The following SMARCAL1 variants were observed in gnomAD, a reference collection of about 807,000 sequenced individuals.
SMARCAL1 encodes SNF2 related chromatin remodeling annealing helicase 1.
SMARCAL1 carries 58 observed loss-of-function variants against 94.5 expected under a neutral mutation model. That is an observed-to-expected ratio of 0.61 (90% CI 0.50 to 0.76). The LOEUF is 0.76. Among genes scored for constraint, SMARCAL1 ranks in the 30% least tolerant of loss-of-function variants. The probability of loss-of-function intolerance (pLI) is 0.00; values close to 1 mark genes in which losing one functional copy is unlikely to be tolerated. For missense variants in SMARCAL1, 1,051 were observed against 1,177.9 expected (o/e 0.89, Z 1.58); for synonymous variants, 422 against 455.1 (o/e 0.93, Z 0.93).
At chr2:216,478,625 G>C (rs181968289) in intron 17 of SMARCAL1, among the ~76,000 whole-genome samples, 1 of 152,168 alleles carries the variant, frequency 6.6e-6, no homozygotes, top group Non-Finnish European at 1.5e-5. Flanking sequence ...ACCACACATA[G>C]GGCTGCCACA....
intron 12 of SMARCAL1, among the ~76,000 whole-genome samples, chr2:216,460,320 G>A (rs1475124506): frequency 6.6e-6 from 1 of 152,192 alleles, no homozygotes; most frequent in Non-Finnish European, 1.5e-5. Context: ...ATTTGACCCA[G>A]CCATCCCATT....
chr2:216,447,351 T>G (rs567897712), intron 11 of SMARCAL1, among the ~76,000 whole-genome samples, 193 bp downstream of exon 11: 1 of 152,232 alleles, frequency 6.6e-6, no homozygotes, highest in Admixed American at 6.5e-5. Flanking sequence ...ATCTTACCCT[T>G]TAAATCTAGT....
At chr2:216,448,506 A>G (rs1694370340) in intron 11 of SMARCAL1, among the ~76,000 whole-genome samples, 1 of 152,172 alleles carries the variant, frequency 6.6e-6, no homozygotes, top group South Asian at 2.1e-4. Context: ...GCCAGAAACT[A>G]AGGCATTATC....
chr2:216,444,208 G>T (rs1694257000), intron 10 of SMARCAL1, among the ~76,000 whole-genome samples: 1 of 152,124 alleles, frequency 6.6e-6, no homozygotes, highest in Admixed American at 6.5e-5. Flanking sequence ...CCTTCTTCAT[G>T]TCTTATTTCT....
intron 14 of SMARCAL1, among the ~76,000 whole-genome samples, chr2:216,472,927 GTTT>G (rs1694998339): frequency 6.6e-6 from 1 of 152,000 alleles, no homozygotes; most frequent in South Asian, 2.1e-4. Context: ...CTTAAATTAA[GTTT>G]TTTCTTTTTG....
intron 10 of SMARCAL1, among the ~76,000 whole-genome samples, chr2:216,445,063 G>T (rs190825152): frequency 1.3e-5 from 2 of 152,242 alleles, no homozygotes; most frequent in Admixed American, 6.5e-5. Flanking sequence ...TCGATTTCTT[G>T]GGTGTTGCTT....
chr2:216,477,780 A>C (rs563507804), intron 16 of SMARCAL1, among the ~76,000 whole-genome samples: 1 of 152,114 alleles, frequency 6.6e-6, no homozygotes, highest in South Asian at 2.1e-4. Context: ...CTGATACAAA[A>C]TTTCTTGATT....
chr2:216,440,848 T>C (rs1694184838), intron 10 of SMARCAL1, among the ~76,000 whole-genome samples: 2 of 152,160 alleles, frequency 1.3e-5, no homozygotes, highest in Non-Finnish European at 2.9e-5. Flanking sequence ...ACCCACTAGA[T>C]GCCAGCAGTT....
chr2:216,451,369 A>G, intron 12 of SMARCAL1: 1 of 403,204 alleles, frequency 2.5e-6, no homozygotes, highest in East Asian at 5.6e-5. Flanking sequence ...TGTGGAAATT[A>G]TGTCTACTAT....
intron 10 of SMARCAL1, among the ~76,000 whole-genome samples, chr2:216,439,005 C>T (rs561952012): frequency 3.9e-5 from 6 of 152,250 alleles, no homozygotes; most frequent in South Asian, 4.2e-4. Context: ...GCGGGGTCAG[C>T]GAGATACACT....
At chr2:216,424,930 TTTC>T (rs1252923939) in intron 6 of SMARCAL1, among the ~76,000 whole-genome samples, 1 of 152,192 alleles carries the variant, frequency 6.6e-6, no homozygotes, top group Non-Finnish European at 1.5e-5. Context: ...TGAATTTTTT[TTTC>T]TTTTTGAGGC....
At chr2:216,423,166 A>G (rs1693761855) in intron 5 of SMARCAL1, among the ~76,000 whole-genome samples, 2 of 152,238 alleles carry the variant, frequency 1.3e-5, no homozygotes, top group African/African-American at 4.8e-5. Flanking sequence ...TGGCAGTTTG[A>G]CCACTGACCA....
At chr2:216,467,904 G>A in intron 13 of SMARCAL1, 40 bp from the exon 14 acceptor site, 1 of 1,155,562 alleles carries the variant, frequency 8.7e-7, no homozygotes, top group East Asian at 2.3e-5. Context: ...AACATAAGGA[G>A]TATATGTTTA....
At chr2:216,427,930 A>G (rs1457332013) in intron 6 of SMARCAL1, among the ~76,000 whole-genome samples, 1 of 152,220 alleles carries the variant, frequency 6.6e-6, no homozygotes, top group Non-Finnish European at 1.5e-5. Flanking sequence ...GGATAGAAGT[A>G]AAATAATACC....
intron 14 of SMARCAL1, among the ~76,000 whole-genome samples, chr2:216,471,933 C>G (rs570615481): frequency 6.6e-6 from 1 of 152,242 alleles, no homozygotes; most frequent in South Asian, 2.1e-4. Flanking sequence ...CTTTGGAGAT[C>G]ATTGAACCCT....
In SMARCAL1 at chr2:216,420,420, T is replaced by G; in HGVS notation, c.984T>G (p.Leu328=). The G allele has an allele frequency of 6.2e-7, 1 of 1,614,116 alleles. No individual in the cohort carries two copies. The highest frequency in any genetic ancestry group is 8.5e-7 in the Non-Finnish European group (1 of 1,180,012). ...GQAGLPSAPS[L]SFVKGRCMLI... is the part of the protein sequence containing the mutation. ...CCGGCCTTCCATCAGCTCCATCCCTTTCATTTGTCAAAGGGCGATGCATGC... is the reference window on the plus strand; with the variant it reads ...CCGGCCTTCCATCAGCTCCATCCCTGTCATTTGTCAAAGGGCGATGCATGC... The change falls in exon 5 of 18, where the codon CTT becomes CTG. Residue 328 remains leucine (L), a synonymous_variant. Coordinates refer to ENST00000357276, the MANE Select transcript of SMARCAL1 (RefSeq NM_014140.4).
chr2:216,475,673 G>A lies in SMARCAL1; in HGVS notation c.2427+222G>A, dbSNP rs781063218. On this transcript the variant is annotated intron_variant, in intron 15 of 17. Transcript: ENST00000357276. The surrounding 1 kb of genome is among the most constrained non-coding windows in gnomAD (Gnocchi z 4.4). ...CTTATCACCCAGGCTGGAGTGCAGT[G>A]GCATGATCTTGGCTCACTGCAACCT... Among the ~76,000 whole-genome samples the A allele has an allele frequency of 3.3e-5, 5 of 151,958 alleles. No individual in the cohort carries two copies. The highest frequency in any genetic ancestry group is 7.4e-5 in the Non-Finnish European group (5 of 68,008).
intron 12 of SMARCAL1, among the ~76,000 whole-genome samples, chr2:216,452,542 G>A (rs1694471964): frequency 6.6e-6 from 1 of 151,486 alleles, no homozygotes; most frequent in South Asian, 2.1e-4. Context: ...AAGTAAGTCT[G>A]TTAGTGTTTC....
intron 7 of SMARCAL1, among the ~76,000 whole-genome samples, chr2:216,431,837 T>C (rs150954227): frequency 2.6e-5 from 4 of 152,314 alleles, no homozygotes. Context: ...AAAAACTCAG[T>C]GCTGAGGTTG....
Sources: allele counts gnomAD v4.1 joint callset (sites outside exome capture counted in the v4.1 genomes callset), GRCh38; gene constraint gnomAD v4.1.1; non-coding constraint Gnocchi (gnomAD v3.1); transcripts MANE v1.5; gene names NCBI Gene and HGNC (gene_info 2026-07-23, HGNC 2026-07-21).